TENM2: variants seen among roughly 807,000 people sequenced by gnomAD.
The protein encoded by TENM2 is teneurin-2.
A neutral mutation model predicts 245.2 loss-of-function variants in TENM2; 52 were observed. That is an observed-to-expected ratio of 0.21 (90% CI 0.17 to 0.27). The LOEUF is 0.27. TENM2 is among the 10% of genes least tolerant of loss of function. The pLI is 1.00. For missense variants in TENM2, 3,046 were observed against 3,666.8 expected (o/e 0.83, Z 4.37); for synonymous variants, 1,363 against 1,438.9 (o/e 0.95, Z 1.19).
chr5:167,699,506 G>T (rs1758003797), intron 2 of TENM2, among the ~76,000 whole-genome samples: 1 of 152,170 alleles, frequency 6.6e-6, no homozygotes, highest in Non-Finnish European at 1.5e-5. Flanking sequence ...TTACTTTACA[G>T]ATGAATCACC....
intron 2 of TENM2, among the ~76,000 whole-genome samples, chr5:167,541,803 T>A (rs940787133): frequency 6.6e-5 from 10 of 152,218 alleles, no homozygotes; most frequent in Admixed American, 1.3e-4. Context: ...GAAATTATAC[T>A]GATTTTACAT....
chr5:168,238,715 C>A (rs1164265077), intron 25 of TENM2, among the ~76,000 whole-genome samples: 1 of 152,194 alleles, frequency 6.6e-6, no homozygotes, highest in East Asian at 1.9e-4. Context: ...TTCCTTGTGA[C>A]AGGCGTATGC....
At chr5:167,873,337 C>T (rs1398218496) in intron 2 of TENM2, among the ~76,000 whole-genome samples, 1 of 152,120 alleles carries the variant, frequency 6.6e-6, no homozygotes, top group African/African-American at 2.4e-5. Flanking sequence ...TGCTGTAGAT[C>T]ACTCTCCTTC....
chr5:167,945,143 C>T (rs889997176), intron 3 of TENM2, among the ~76,000 whole-genome samples: 5 of 152,182 alleles, frequency 3.3e-5, no homozygotes. Context: ...TCATTCATCA[C>T]CACTAGTTTT....
chr5:167,504,067 G>A (rs188868882), intron 2 of TENM2, among the ~76,000 whole-genome samples: 96 of 152,150 alleles, frequency 6.3e-4, no homozygotes, highest in Middle Eastern at 6.8e-3. Context: ...AAATTAACTT[G>A]GGAACTTCTT....
intron 5 of TENM2, among the ~76,000 whole-genome samples, chr5:168,029,461 G>A (rs530018731): frequency 6.6e-6 from 1 of 152,268 alleles, no homozygotes; most frequent in East Asian, 1.9e-4. Context: ...ATGGACTAAA[G>A]AAAGAGGAAT....
intron 3 of TENM2, among the ~76,000 whole-genome samples, chr5:167,938,357 A>T (rs1415979892): frequency 6.6e-6 from 1 of 152,220 alleles, no homozygotes; most frequent in East Asian, 1.9e-4. Context: ...GTAGAGTTTA[A>T]CAATATGCCT....
intron 2 of TENM2, among the ~76,000 whole-genome samples, chr5:167,564,917 A>G (rs1389957883): frequency 3.9e-5 from 6 of 152,260 alleles, no homozygotes; most frequent in African/African-American, 1.2e-4. Flanking sequence ...GAGTCTGGCC[A>G]ATCCCAGAGT....
At chr5:167,334,309 A>G (rs559144312) in intron 1 of TENM2, among the ~76,000 whole-genome samples, 1 of 151,594 alleles carries the variant, frequency 6.6e-6, no homozygotes, top group South Asian at 2.1e-4. Context: ...TAGCAGATCC[A>G]TGATCACCAT....
At chr5:167,770,381 A>G (rs1191979766) in intron 2 of TENM2, among the ~76,000 whole-genome samples, 1 of 152,198 alleles carries the variant, frequency 6.6e-6, no homozygotes, top group Admixed American at 6.5e-5. Flanking sequence ...GGCTGCAGCC[A>G]AGGAAAGCAA....
chr5:167,127,022 C>A, the TENM2 span, among the ~76,000 whole-genome samples: 1 of 147,220 alleles, frequency 6.8e-6, no homozygotes, highest in African/African-American at 2.5e-5. Context: ...TTTTTTTTTT[C>A]ACCTGCCTTT....
chr5:167,780,867 C>G (rs1463431205), intron 2 of TENM2, among the ~76,000 whole-genome samples: 1 of 152,176 alleles, frequency 6.6e-6, no homozygotes, highest in Non-Finnish European at 1.5e-5. Context: ...TACTGAGACC[C>G]AACTACACTT....
intron 2 of TENM2, among the ~76,000 whole-genome samples, chr5:167,429,009 T>C (rs536776299): frequency 4.1e-4 from 63 of 152,306 alleles, no homozygotes; most frequent in Non-Finnish European, 5.7e-4. Context: ...CCTTTCTGCA[T>C]TCCCAGAAAG....
chr5:167,035,641 C>T, the TENM2 span, among the ~76,000 whole-genome samples: 10 of 152,238 alleles, frequency 6.6e-5, no homozygotes, highest in Admixed American at 3.9e-4. Context: ...GATACAATAG[C>T]GAAGGAGAAA....
intron 2 of TENM2, among the ~76,000 whole-genome samples, chr5:167,518,124 G>A (rs1343526127): frequency 6.6e-6 from 1 of 151,454 alleles, no homozygotes; most frequent in African/African-American, 2.4e-5. Context: ...TGGTATCATT[G>A]CACTCCAGCC....
intron 13 of TENM2, among the ~76,000 whole-genome samples, chr5:168,174,655 C>T (rs1392948173): frequency 6.6e-6 from 1 of 152,186 alleles, no homozygotes. Flanking sequence ...TGAAGGGAAG[C>T]TCAAGTGCTG....
At chr5:168,000,554 A>G (rs1784351360) in intron 5 of TENM2, among the ~76,000 whole-genome samples, 1 of 152,240 alleles carries the variant, frequency 6.6e-6, no homozygotes, top group Non-Finnish European at 1.5e-5. Flanking sequence ...TCAAGCATTC[A>G]TTGAAATGGT....
intron 13 of TENM2, among the ~76,000 whole-genome samples, chr5:168,182,033 A>T (rs931450470): frequency 6.6e-6 from 1 of 152,110 alleles, no homozygotes; most frequent in African/African-American, 2.4e-5. Flanking sequence ...GGGAAGGAGG[A>T]TGCCTGAGGA....
chr5:167,914,973 A>G (rs2151601234), intron 3 of TENM2, among the ~76,000 whole-genome samples: 1 of 152,340 alleles, frequency 6.6e-6, no homozygotes, highest in Middle Eastern at 3.4e-3. Flanking sequence ...AAAAAAGGTC[A>G]CGTTGTGTGG....
Sources: allele counts gnomAD v4.1 joint callset (sites outside exome capture counted in the v4.1 genomes callset), GRCh38; gene constraint gnomAD v4.1.1; transcripts MANE v1.5; gene names NCBI Gene and HGNC (gene_info 2026-07-23, HGNC 2026-07-21).